SYT1: variants seen among roughly 807,000 people sequenced by gnomAD.
SYT1 encodes synaptotagmin 1.
In SYT1, 8 loss-of-function variants were observed where a neutral mutation model predicts 44.8. That is an observed-to-expected ratio of 0.18 (90% CI 0.10 to 0.32). The LOEUF (loss-of-function observed/expected upper bound fraction) is 0.32, where lower values mean the gene tolerates loss of function less well. Ranked by LOEUF, SYT1 falls within the 10% of genes least tolerant of loss-of-function variation. The pLI, the probability that SYT1 is intolerant of heterozygous loss-of-function variation, is 1.00. For missense variants in SYT1, 286 were observed against 509.3 expected, an observed-to-expected ratio of 0.56 and a Z score of 4.22; for synonymous variants, 154 against 188.8, an observed-to-expected ratio of 0.82 and a Z score of 1.51.
At chr12:79,316,840 C>G (rs191451228) in intron 8 of SYT1, among the ~76,000 whole-genome samples, 57 of 152,302 alleles carry the variant, frequency 3.7e-4, no homozygotes, top group Non-Finnish European at 7.2e-4. Flanking sequence ...AGGAAAGCAT[C>G]TTAGCACTTT....
chr12:79,313,624 TA>T (rs1244602204), intron 8 of SYT1, among the ~76,000 whole-genome samples: 1 of 134,362 alleles, frequency 7.4e-6, no homozygotes, highest in African/African-American at 2.8e-5. Context: ...AAAAACAAAA[TA>T]AAAGATAGAC....
chr12:79,359,378 T>C (rs1883233558), intron 9 of SYT1, among the ~76,000 whole-genome samples: 1 of 152,192 alleles, frequency 6.6e-6, no homozygotes, highest in South Asian at 2.1e-4. Flanking sequence ...CCTTTCACTC[T>C]GTGTTCTATG....
intron 4 of SYT1, among the ~76,000 whole-genome samples, chr12:79,249,277 T>C (rs1174087151): frequency 6.6e-6 from 1 of 151,002 alleles, no homozygotes; most frequent in Admixed American, 6.6e-5. Flanking sequence ...GCTAATTTTT[T>C]GTATTTTTAG....
At chr12:78,965,466 T>C (rs1018725764) in intron 1 of SYT1, among the ~76,000 whole-genome samples, 2 of 152,230 alleles carry the variant, frequency 1.3e-5, no homozygotes, top group Non-Finnish European at 2.9e-5. Context: ...ATTTCAAATA[T>C]ATGATATTTA....
In SYT1 at chr12:79,450,674, C is replaced by T. The variant is rs1871007041; in HGVS notation, c.*1550C>T. 1 of 152,618 alleles carries T rather than the reference C, an allele frequency of 6.6e-6. No individual in the cohort carries two copies. The highest frequency in any genetic ancestry group is 1.5e-5 in the Non-Finnish European group (1 of 68,046). The allele number at this position is 152,618 out of a possible 1,614,324, so 9.5% of individuals were successfully genotyped here. On this transcript the variant is annotated 3_prime_UTR_variant, in exon 11 of 11. Transcript: ENST00000261205. ...GATATTGTAACAATACTGCCATTCC[C>T]TTCTACTGCACTGCCCAAGGTGTGT...
At chr12:78,890,697 T>G (rs1234327791) in intron 1 of SYT1, among the ~76,000 whole-genome samples, 1 of 151,796 alleles carries the variant, frequency 6.6e-6, no homozygotes, top group African/African-American at 2.4e-5. Flanking sequence ...CCCTCATCTT[T>G]CCCAAAATGG....
At chr12:79,213,955 A>G (rs1445785576) in intron 3 of SYT1, among the ~76,000 whole-genome samples, 1 of 152,236 alleles carries the variant, frequency 6.6e-6, no homozygotes, top group Non-Finnish European at 1.5e-5. Context: ...AAGTCATCAC[A>G]TTAGCCAGGA....
chr12:78,872,652 T>C (rs566138765), intron 1 of SYT1, among the ~76,000 whole-genome samples: 185 of 151,922 alleles, frequency 1.2e-3, no homozygotes, highest in South Asian at 2.7e-3. Flanking sequence ...CTTTCTTTTT[T>C]TGTATCTTAA....
intron 3 of SYT1, among the ~76,000 whole-genome samples, chr12:79,195,315 G>A (rs963087832): frequency 6.6e-6 from 1 of 152,046 alleles, no homozygotes; most frequent in Non-Finnish European, 1.5e-5. Flanking sequence ...TCTGTTTTCA[G>A]AGTCCAAAAA....
intron 3 of SYT1, among the ~76,000 whole-genome samples, chr12:79,146,393 C>T (rs141930124): frequency 1.6e-4 from 25 of 152,296 alleles, no homozygotes; most frequent in Non-Finnish European, 2.5e-4. Flanking sequence ...ATTCAATCTT[C>T]GTCACTTTAG....
intron 4 of SYT1, among the ~76,000 whole-genome samples, chr12:79,229,707 C>T (rs1229736451): frequency 6.6e-6 from 1 of 152,002 alleles, no homozygotes; most frequent in Non-Finnish European, 1.5e-5. Flanking sequence ...GATTCTCCTG[C>T]CTTAGTCTCC....
intron 2 of SYT1, among the ~76,000 whole-genome samples, chr12:79,032,342 T>C (rs1423919230): frequency 6.6e-6 from 1 of 151,254 alleles, no homozygotes; most frequent in Admixed American, 6.6e-5. Flanking sequence ...CTAAGTGATA[T>C]ATGATAGAGA....
At chr12:79,042,203 C>T (rs1280099235) in intron 2 of SYT1, among the ~76,000 whole-genome samples, 8 of 150,260 alleles carry the variant, frequency 5.3e-5, no homozygotes, top group South Asian at 2.1e-4. Context: ...AGGAATGGTA[C>T]CAGCTCCTCC....
At chr12:79,079,760 T>C (rs1482158634) in intron 3 of SYT1, among the ~76,000 whole-genome samples, 1 of 152,114 alleles carries the variant, frequency 6.6e-6, no homozygotes, top group Non-Finnish European at 1.5e-5. Flanking sequence ...CTATTTGCAG[T>C]TGACATTGAC....
intron 3 of SYT1, among the ~76,000 whole-genome samples, chr12:79,049,389 A>C (rs1172497496): frequency 6.6e-6 from 1 of 151,898 alleles, no homozygotes; most frequent in Non-Finnish European, 1.5e-5. Context: ...TGTGGTTTGG[A>C]GCAGGTTTTA....
At chr12:78,985,421 G>A (rs1158163013) in intron 2 of SYT1, among the ~76,000 whole-genome samples, 1 of 151,670 alleles carries the variant, frequency 6.6e-6, no homozygotes, top group Non-Finnish European at 1.5e-5. Flanking sequence ...CCTTCAAGAT[G>A]GCAGCTGAAT....
chr12:78,898,000 C>T (rs1342596599), intron 1 of SYT1, among the ~76,000 whole-genome samples: 1 of 151,958 alleles, frequency 6.6e-6, no homozygotes, highest in African/African-American at 2.4e-5. Flanking sequence ...AGATGAAAAA[C>T]CTCACTAACC....
intron 9 of SYT1, among the ~76,000 whole-genome samples, chr12:79,381,181 ATTCCCTGATT>A (rs1384348327): frequency 6.6e-6 from 1 of 152,198 alleles, no homozygotes; most frequent in Admixed American, 6.5e-5. Flanking sequence ...ATTATGCTGA[ATTCCCTGATT>A]CCTACTTTAA....
At chr12:79,174,368 T>C (rs917373765) in intron 3 of SYT1, among the ~76,000 whole-genome samples, 1 of 152,026 alleles carries the variant, frequency 6.6e-6, no homozygotes, top group Non-Finnish European at 1.5e-5. Flanking sequence ...CTGGAAGTGG[T>C]ATTGGCTGAT....
Sources: gnomAD v4.1 joint callset for allele counts (sites outside exome capture counted in the v4.1 genomes callset) on GRCh38, gnomAD v4.1.1 for gene constraint, MANE v1.5 for transcripts, NCBI Gene and HGNC (gene_info 2026-07-23, HGNC 2026-07-21) for gene names.